The following PLPPR3 variants were observed in gnomAD, a reference collection of about 807,000 sequenced individuals.
PLPPR3 encodes the protein phospholipid phosphatase related 3, also known as phospholipid phosphatase-related protein type 3.
Under a neutral mutation model 27.3 loss-of-function variants are expected in PLPPR3, and 14 were observed. That is an observed-to-expected ratio of 0.51 (90% CI 0.34 to 0.80). The LOEUF (loss-of-function observed/expected upper bound fraction) is 0.80, where lower values mean the gene tolerates loss of function less well. PLPPR3 is among the 30% of genes least tolerant of loss of function. The pLI, the probability that PLPPR3 is intolerant of heterozygous loss-of-function variation, is 0.01. For synonymous variants in PLPPR3, 671 were observed against 508.0 expected (o/e 1.32, Z -4.32); for missense variants, 1,287 against 1,056.9 (o/e 1.22, Z -3.02).
At chr19:815,908 C>T in intron 2 of PLPPR3, 57 bp from the exon 3 acceptor site, 2 of 1,558,388 alleles carry the variant, frequency 1.3e-6, no homozygotes, top group Non-Finnish European at 1.7e-6. Flanking sequence ...GGCGTCTGTC[C>T]AGCCCTCCAT....
upstream of PLPPR3, among the ~76,000 whole-genome samples, chr19:822,626 T>TG (rs1289833138): frequency 3.9e-5 from 6 of 152,102 alleles, no homozygotes; most frequent in Admixed American, 2.6e-4. Flanking sequence ...GGCTGGGGGC[T>TG]GGGGGCTGCG....
chr19:813,851 C>T lies in PLPPR3; in HGVS notation c.876G>A (p.Lys292=). The T allele has an allele frequency of 4.1e-6, 6 of 1,464,798 alleles. No homozygotes were observed. Among genetic ancestry groups the T allele is most frequent in the Non-Finnish European group, 5.4e-6 (6 of 1,117,126 alleles). The allele number at this position is 1,464,798 out of a possible 1,614,324, so 90.7% of individuals were successfully genotyped here. A position where few individuals can be genotyped will look rare whatever the true frequency, so the allele number is the denominator to read the frequency against. ...CCTTGGCGGGGGCCGGGGCCGCGGG[C>T]TTCTCTGCAGGTGGGGCCTGGAAGT... is the stretch of plus-strand genomic sequence containing the variant. ...VGNFQAPPAE[K]PAAPAPAKDA... Residue 292 remains lysine (K), a synonymous_variant, in exon 8 of 8, where the codon AAG becomes AAA. Transcript: ENST00000520876. The surrounding 1 kb of genome is among the most constrained non-coding windows in gnomAD (Gnocchi z 4.1).
rs762281461 is a variant in PLPPR3, at chr19:813,530, C to T, written c.1197G>A (p.Leu399=). The stretch of plus-strand genomic sequence containing the variant: ...TGAGCTGCTTGGAGCGCGAGGCGTC[C>T]AGCGGCACGTGGATGGTCATGTGGC... ...ARRHMTIHVP[L]DASRSKQLIS... is the part of the protein sequence containing the mutation. Residue 399 remains leucine (L), a synonymous_variant, in exon 8 of 8, where the codon CTG becomes CTA. Coordinates refer to ENST00000520876, the MANE Select transcript of PLPPR3 (RefSeq NM_001270366.2). The surrounding 1 kb of genome is among the most constrained non-coding windows in gnomAD (Gnocchi z 4.1). The T allele has an allele frequency of 5.1e-6, 8 of 1,561,538 alleles. No individual in the cohort carries two copies. The African/African-American group carries it at 5.4e-5, about 11-fold the overall frequency.
intron 2 of PLPPR3, among the ~76,000 whole-genome samples, chr19:817,776 C>G (rs534245970): frequency 6.6e-6 from 1 of 152,152 alleles, no homozygotes; most frequent in South Asian, 2.1e-4. Context: ...CATGCAGGCA[C>G]GAGGCCCGGG....
chr19:814,306 C>T, intron 7 of PLPPR3, 128 bp downstream of exon 7: 1 of 902,784 alleles, frequency 1.1e-6, no homozygotes, highest in Non-Finnish European at 1.6e-6. Flanking sequence ...CCTGTCAGAC[C>T]CCCTGAGCCT....
rs1419981591 is a variant in PLPPR3, at chr19:819,027, C to T, written c.75+2458G>A. 1.9e-5 allele frequency among the ~76,000 whole-genome samples: 2 copies of T among 106,106 alleles called. 1 individual carries two copies. The highest frequency in any genetic ancestry group is 8.8e-5 in the African/African-American group (2 of 22,824). 69.6% of individuals were successfully genotyped at this position (106,106 alleles called of 152,430 possible). A position where few individuals can be genotyped will look rare whatever the true frequency, so the allele number is the denominator to read the frequency against. ...AGTCTTGCTCTCTTGCCCAAGCTGG[C>T]GTGCAGTGGAACAGTCTCAGCTCAC... On this transcript the variant is annotated intron_variant, in intron 2 of 7. Transcript: ENST00000520876.
Position 815,745 on chromosome 19 carries a change from A to G in PLPPR3, c.182T>C (p.Met61Thr). The change falls in exon 3 of 8, where the codon ATG becomes ACG. Residue 61 changes from methionine to threonine, a missense_variant. Physicochemically the swap from Met to Thr is moderately conservative, Grantham distance 81 (BLOSUM62 -1). Coordinates refer to ENST00000520876, the MANE Select transcript of PLPPR3 (RefSeq NM_001270366.2). ...CTCCTCGTTGGTCTCCACGTAGGGC[A>G]TGGAGAGAGTGCGGTCATAGCACTG... ...GFQCYDRTLS[M>T]PYVETNEELI... 1 of 1,612,568 alleles carries G rather than the reference A, an allele frequency of 6.2e-7. No individual in the cohort carries two copies. The highest frequency in any genetic ancestry group is 8.5e-7 in the Non-Finnish European group (1 of 1,179,766).
rs1172843775 is a variant in PLPPR3, at chr19:816,856, TCCATCCATCATCCACCCATGCAG to T, written c.76-1028_76-1006del. ...AGCCATTCATTCATCTATCCATTCA[TCCATCCATCATCCACCCATGCAG>T]CCATCCATCTATCCACCCACCCAAC... On this transcript the variant is annotated intron_variant, in intron 2 of 7. Transcript: ENST00000520876. Among the ~76,000 whole-genome samples, 6 of 150,238 alleles carry T rather than the reference TCCATCCATCATCCACCCATGCAG, an allele frequency of 4.0e-5. No homozygotes were observed. The South Asian group carries it at 6.3e-4, about 16-fold the overall frequency.
chr19:823,441 CAAAAAA>C (rs905654427), upstream of PLPPR3, among the ~76,000 whole-genome samples: 3 of 40,084 alleles, frequency 7.5e-5, no homozygotes, highest in African/African-American at 4.2e-4. Context: ...GACTCTATCT[CAAAAAA>C]AAAAAAAAAA....
At chr19:817,428 A>G (rs576842042) in intron 2 of PLPPR3, among the ~76,000 whole-genome samples, 1 of 151,158 alleles carries the variant, frequency 6.6e-6, no homozygotes, top group African/African-American at 2.4e-5. Flanking sequence ...GTGCACTACC[A>G]CACCTGGCTA....
chr19:813,325 G>C lies in PLPPR3; in HGVS notation c.1402C>G (p.Leu468Val). 2 of 1,466,850 alleles carry C rather than the reference G, an allele frequency of 1.4e-6. No individual in the cohort carries two copies. Among genetic ancestry groups the C allele is most frequent in the Non-Finnish European group, 1.8e-6 (2 of 1,120,004 alleles). The allele number at this position is 1,466,850 out of a possible 1,614,324, so 90.9% of individuals were successfully genotyped here. ...GGCCGCGCCTGCACGGTGGGGTAGA[G>C]CGAGGGCGGGGCCGGGCCCTCGTCC... ...EEDEGPAPPS[L>V]YPTVQARPGL... The change falls in exon 8 of 8, where the codon CTC becomes GTC. Residue 468 changes from leucine to valine, a missense_variant. By Grantham distance (32) the Leu-to-Val change is conservative. Transcript: ENST00000520876. The surrounding 1 kb of genome is among the most constrained non-coding windows in gnomAD (Gnocchi z 4.1).
At chr19:815,944 C>T in intron 2 of PLPPR3, 93 bp from the exon 3 acceptor site, 1 of 1,318,524 alleles carries the variant, frequency 7.6e-7, no homozygotes, top group Middle Eastern at 2.1e-4. Flanking sequence ...CACCGTCTCA[C>T]TCACCTATCC....
chr19:822,579 A>C (rs1382243580), upstream of PLPPR3, among the ~76,000 whole-genome samples: 1 of 152,066 alleles, frequency 6.6e-6, no homozygotes, highest in Non-Finnish European at 1.5e-5. Context: ...GCCTGGCCGC[A>C]GCCGCTCGGT....
Position 813,385 on chromosome 19 carries a change from C to G in PLPPR3, c.1342G>C (p.Asp448His). The G allele has an allele frequency of 2.0e-6, 3 of 1,501,052 alleles. No individual in the cohort carries two copies. The highest frequency in any genetic ancestry group is 2.6e-6 in the Non-Finnish European group (3 of 1,132,836). The allele number at this position is 1,501,052 out of a possible 1,614,324, so 93.0% of individuals were successfully genotyped here. Reference protein sequence around the residue: ...PMAEEEEEEEDEEEEEEEEEE... With the variant: ...PMAEEEEEEEHEEEEEEEEEE... ...TCCTCCTCCTCCTCTTCCTCTTCGTCCTCCTCCTCTTCCTCCTCCTCCGCC... is the reference window on the plus strand; with the variant it reads ...TCCTCCTCCTCCTCTTCCTCTTCGTGCTCCTCCTCTTCCTCCTCCTCCGCC... The change falls in exon 8 of 8, where the codon GAC becomes CAC. Residue 448 changes from aspartate to histidine, a missense_variant. By Grantham distance (81) the Asp-to-His change is moderately conservative. Coordinates refer to ENST00000520876, the MANE Select transcript of PLPPR3 (RefSeq NM_001270366.2). The surrounding 1 kb of genome is among the most constrained non-coding windows in gnomAD (Gnocchi z 4.1).
intron 2 of PLPPR3, among the ~76,000 whole-genome samples, chr19:816,923 T>TCCAC (rs1207219731): frequency 2.1e-5 from 3 of 141,738 alleles, no homozygotes; most frequent in East Asian, 2.5e-4. Flanking sequence ...CATCCACCCA[T>TCCAC]CCACCCACCC....
In PLPPR3 at chr19:813,057, G is replaced by A; in HGVS notation, c.1670C>T (p.Ala557Val). The part of the protein sequence containing the change: ...GAPGPKAAET[A>V]SSSSASSDSS... ...GTCGGAGCTGGCGCTGGACGACGAC[G>A]CCGTCTCGGCCGCCTTGGGGCCCGG... The change falls in exon 8 of 8, where the codon GCG (alanine) becomes GTG (valine). Residue 557 changes from alanine (A) to valine (V), a missense_variant. Ala to Val is a moderately conservative substitution (Grantham distance 64). Transcript: ENST00000520876. This position sits in a 1 kb window ranked among gnomAD's most constrained non-coding sequence, Gnocchi z 4.1. 2.7e-6 allele frequency: 4 copies of A among 1,499,086 alleles called. No individual in the cohort carries two copies. The highest frequency in any genetic ancestry group is 1.2e-5 in the South Asian group (1 of 80,018). The allele number at this position is 1,499,086 out of a possible 1,614,324, so 92.9% of individuals were successfully genotyped here.
At chr19:820,439 T>A (rs767788131) in intron 2 of PLPPR3, among the ~76,000 whole-genome samples, 34 of 151,982 alleles carry the variant, frequency 2.2e-4, no homozygotes, top group Admixed American at 5.3e-4. Context: ...CCCACCTCAG[T>A]CTCCCAAAGT....
chr19:822,164 T>A (rs894547867), upstream of PLPPR3, among the ~76,000 whole-genome samples: 5 of 150,168 alleles, frequency 3.3e-5, no homozygotes, highest in African/African-American at 1.2e-4. Context: ...GGGTCTCAGG[T>A]CTGCGCGAGC....
chr19:814,632 G>A, intron 6 of PLPPR3, 25 bp from the exon 7 acceptor site: 1 of 1,611,068 alleles, frequency 6.2e-7, no homozygotes. Context: ...TTGGGGTCAG[G>A]GAGGGCTCCC....
Sources: allele counts gnomAD v4.1 joint callset (sites outside exome capture counted in the v4.1 genomes callset), GRCh38; gene constraint gnomAD v4.1.1; non-coding constraint Gnocchi (gnomAD v3.1); transcripts MANE v1.5; gene names NCBI Gene and HGNC (gene_info 2026-07-23, HGNC 2026-07-21).